CNTNAP5: variants seen among roughly 807,000 people sequenced by gnomAD.
CNTNAP5 encodes contactin associated protein family member 5, also known as contactin-associated protein-like 5.
A neutral mutation model predicts 150.2 loss-of-function variants in CNTNAP5; 72 were observed. That is an observed-to-expected ratio of 0.48 (90% CI 0.40 to 0.58). The LOEUF is 0.58. Ranked by LOEUF, CNTNAP5 falls within the 20% of genes least tolerant of loss-of-function variation. The pLI is 0.00. For missense variants in CNTNAP5, 1,636 were observed against 1,626.2 expected (o/e 1.01, Z -0.10); for synonymous variants, 672 against 619.8 (o/e 1.08, Z -1.25).
intron 21 of CNTNAP5, among the ~76,000 whole-genome samples, chr2:124,882,293 G>A (rs1306801954): frequency 6.6e-6 from 1 of 152,102 alleles, no homozygotes; most frequent in Admixed American, 6.6e-5. Flanking sequence ...AGCACTCACT[G>A]AGTCTCTGCC....
intron 3 of CNTNAP5, among the ~76,000 whole-genome samples, chr2:124,305,485 G>A (rs1305926197): frequency 6.6e-6 from 1 of 152,126 alleles, no homozygotes; most frequent in Admixed American, 6.6e-5. Flanking sequence ...AAACTATTTT[G>A]CTTAGTTATG....
intron 19 of CNTNAP5, among the ~76,000 whole-genome samples, chr2:124,803,273 C>T (rs1329963174): frequency 6.6e-6 from 1 of 152,050 alleles, no homozygotes; most frequent in Non-Finnish European, 1.5e-5. Flanking sequence ...GAGGGTGATG[C>T]TTGAGTTGGT....
intron 1 of CNTNAP5, among the ~76,000 whole-genome samples, chr2:124,045,544 G>A (rs978592867): frequency 1.3e-5 from 2 of 151,714 alleles, no homozygotes; most frequent in Admixed American, 6.6e-5. Context: ...AGATCCACCC[G>A]ACTTGGCCTC....
chr2:124,260,080 A>G (rs1167532119), intron 3 of CNTNAP5, among the ~76,000 whole-genome samples: 1 of 152,234 alleles, frequency 6.6e-6, no homozygotes, highest in Non-Finnish European at 1.5e-5. Flanking sequence ...AGCCAAAAGA[A>G]CAAAGCTGGA....
rs1235934870 is a variant in CNTNAP5 at position 124,359,083 on chromosome 2, T to A, written c.382-58360T>A. ...TCCATTTCTTCTAGATTTTCTAGTT[T>A]ATTTGCATAGAGGTGTTTGTAGTAT... On this transcript the variant is annotated intron_variant, in intron 3 of 23. Coordinates refer to ENST00000682447, the MANE Select transcript of CNTNAP5 (RefSeq NM_001367498.1). 2.0e-5 allele frequency among the ~76,000 whole-genome samples: 3 copies of A among 151,852 alleles called. 1 individual carries two copies. The highest frequency in any genetic ancestry group is 2.0e-4 in the Admixed American group (3 of 15,256).
chr2:124,527,549 G>A lies in CNTNAP5; in HGVS notation c.1649+93G>A, dbSNP rs77450627. On this transcript the variant is annotated intron_variant, in intron 10 of 23. Coordinates refer to ENST00000682447, the MANE Select transcript of CNTNAP5 (RefSeq NM_001367498.1). ...TCTTTAAGCAAAATTCTAATCCACC[G>A]ACATTAGCCACATTAGACATAATTG... 8.3e-4 allele frequency: 812 copies of A among 983,530 alleles called. 10 individuals carry two copies. The Middle Eastern group carries it at 0.01, about 13-fold the overall frequency. 60.9% of individuals were successfully genotyped at this position (983,530 alleles called of 1,614,324 possible). A position where few individuals can be genotyped will look rare whatever the true frequency, so the allele number is the denominator to read the frequency against.
At chr2:124,854,537 C>T (rs1370870608) in intron 19 of CNTNAP5, among the ~76,000 whole-genome samples, 1 of 152,138 alleles carries the variant, frequency 6.6e-6, no homozygotes, top group Non-Finnish European at 1.5e-5. Context: ...ATTATAAGGT[C>T]TTTGAAGATA....
At chr2:124,441,245 A>T (rs1692665111) in intron 5 of CNTNAP5, among the ~76,000 whole-genome samples, 1 of 152,144 alleles carries the variant, frequency 6.6e-6, no homozygotes, top group Non-Finnish European at 1.5e-5. Flanking sequence ...TGTAATTCCC[A>T]AGAGACTCAA....
intron 13 of CNTNAP5, among the ~76,000 whole-genome samples, chr2:124,699,782 C>CCTTT (rs34337146): frequency 0.41 from 61,832 of 151,290 alleles, 13,392 homozygotes; most frequent in African/African-American, 0.48. Flanking sequence ...TGTTCTTTCT[C>CCTTT]CTTTCTTTCT....
intron 19 of CNTNAP5, among the ~76,000 whole-genome samples, chr2:124,819,431 G>A (rs1682438306): frequency 6.6e-6 from 1 of 152,068 alleles, no homozygotes; most frequent in Non-Finnish European, 1.5e-5. Context: ...TTGACCCCAT[G>A]ACCTGAGCTT....
chr2:124,741,613 A>C (rs1435265761), intron 13 of CNTNAP5, among the ~76,000 whole-genome samples: 1 of 152,152 alleles, frequency 6.6e-6, no homozygotes, highest in Non-Finnish European at 1.5e-5. Flanking sequence ...CTGTCTTTGA[A>C]CCATTTCTCT....
chr2:124,625,457 T>TAGTATACTTACTAC (rs1384872290), intron 12 of CNTNAP5, among the ~76,000 whole-genome samples: 1,771 of 152,212 alleles, frequency 0.012, 23 homozygotes, highest in African/African-American at 0.04. Context: ...ATACATAGTA[T>TAGTATACTTACTAC]AGTATACATA....
chr2:124,740,166 T>C (rs1307391114), intron 13 of CNTNAP5, among the ~76,000 whole-genome samples: 1 of 151,690 alleles, frequency 6.6e-6, no homozygotes, highest in Non-Finnish European at 1.5e-5. Context: ...TATATGTGTG[T>C]ATACACATGC....
At chr2:124,264,379 CACACACACAT>C (rs775074421) in intron 3 of CNTNAP5, among the ~76,000 whole-genome samples, 6,665 of 104,718 alleles carry the variant, frequency 0.064, 316 homozygotes, top group Admixed American at 0.21. Flanking sequence ...CACAGGCACA[CACACACACAT>C]ACACACACAC....
intron 3 of CNTNAP5, among the ~76,000 whole-genome samples, chr2:124,281,340 T>C (rs1478734252): frequency 3.9e-5 from 6 of 152,176 alleles, no homozygotes; most frequent in Admixed American, 6.5e-5. Flanking sequence ...AGTAAATTAA[T>C]TGAAATTAAT....
intron 19 of CNTNAP5, among the ~76,000 whole-genome samples, chr2:124,838,021 G>A (rs763213456): frequency 1.3e-5 from 2 of 151,938 alleles, no homozygotes; most frequent in African/African-American, 2.4e-5. Flanking sequence ...TAATGACACA[G>A]AGGATCAAGC....
chr2:124,821,082 C>T (rs569125542), intron 19 of CNTNAP5, among the ~76,000 whole-genome samples: 56 of 152,144 alleles, frequency 3.7e-4, no homozygotes, highest in Non-Finnish European at 5.4e-4. Flanking sequence ...AAGGTATGGC[C>T]GGTCTCATGG....
chr2:124,837,188 A>T (rs1682847536), intron 19 of CNTNAP5, among the ~76,000 whole-genome samples: 1 of 152,136 alleles, frequency 6.6e-6, no homozygotes, highest in Non-Finnish European at 1.5e-5. Context: ...ATCAAAAAAA[A>T]AAAAAGGTTA....
chr2:124,226,504 C>A (rs1264809822), intron 2 of CNTNAP5, among the ~76,000 whole-genome samples: 1 of 151,876 alleles, frequency 6.6e-6, no homozygotes, highest in Non-Finnish European at 1.5e-5. Context: ...GGGTATTAAC[C>A]CCTTATGAGA....
Sources: allele counts gnomAD v4.1 joint callset (sites outside exome capture counted in the v4.1 genomes callset), GRCh38; gene constraint gnomAD v4.1.1; transcripts MANE v1.5; gene names NCBI Gene and HGNC (gene_info 2026-07-23, HGNC 2026-07-21).